Variants in OSBPL10 observed in about 807,000 individuals in gnomAD.
The protein encoded by OSBPL10 is oxysterol binding protein like 10, also known as oxysterol-binding protein-related protein 10.
OSBPL10 carries 49 observed loss-of-function variants against 81.7 expected under a neutral mutation model. The observed-to-expected ratio is 0.60, with a 90% CI of 0.48 to 0.76. The LOEUF is 0.76. OSBPL10 is among the 30% of genes least tolerant of loss of function. OSBPL10 has a pLI of 0.00. For missense variants in OSBPL10, 923 were observed against 987.8 expected (o/e 0.93, Z 0.88); for synonymous variants, 419 against 383.6 (o/e 1.09, Z -1.08).
intron 4 of OSBPL10, among the ~76,000 whole-genome samples, chr3:31,749,641 C>T (rs1435978101): frequency 6.6e-6 from 1 of 151,892 alleles, no homozygotes; most frequent in East Asian, 1.9e-4. Context: ...ATGGTGAAAC[C>T]CCATCTCTAC....
chr3:32,030,206 C>T (rs1477738987), intron 2 of OSBPL10: 1 of 247,802 alleles, frequency 4.0e-6, no homozygotes, highest in East Asian at 9.7e-5. Context: ...ATGACGAACG[C>T]CAAGGGAAAG....
chr3:31,999,192 A>G (rs1699120082), intron 2 of OSBPL10, among the ~76,000 whole-genome samples: 1 of 152,170 alleles, frequency 6.6e-6, no homozygotes, highest in South Asian at 2.1e-4. Context: ...AGTGGCAATC[A>G]GGTGTGGCAT....
intron 6 of OSBPL10, among the ~76,000 whole-genome samples, chr3:31,719,312 C>T (rs1451464002): frequency 6.6e-6 from 1 of 152,144 alleles, no homozygotes; most frequent in East Asian, 1.9e-4. Context: ...AAAATACTTA[C>T]TCCACATTAT....
chr3:31,952,746 A>G (rs1697904369), intron 1 of OSBPL10, among the ~76,000 whole-genome samples: 1 of 152,124 alleles, frequency 6.6e-6, no homozygotes, highest in African/African-American at 2.4e-5. Flanking sequence ...TAAATATTAA[A>G]TATTACTAAA....
At chr3:31,906,616 A>G (rs1290816283) in intron 1 of OSBPL10, among the ~76,000 whole-genome samples, 1 of 152,184 alleles carries the variant, frequency 6.6e-6, no homozygotes, top group Non-Finnish European at 1.5e-5. Flanking sequence ...ATCAATCAGG[A>G]TTTGATGAAT....
chr3:31,703,370 A>T (rs1695959337), intron 6 of OSBPL10, among the ~76,000 whole-genome samples: 1 of 152,228 alleles, frequency 6.6e-6, no homozygotes, highest in South Asian at 2.1e-4. Context: ...TATAAGCAAA[A>T]GCACTCTGCA....
upstream of OSBPL10, among the ~76,000 whole-genome samples, chr3:31,984,720 T>A (rs1047437956): frequency 6.6e-6 from 1 of 152,200 alleles, no homozygotes; most frequent in Non-Finnish European, 1.5e-5. Flanking sequence ...TCATTAGTTT[T>A]ACAAAGGTAG....
chr3:31,702,620 C>A, intron 6 of OSBPL10, 112 bp from the exon 7 acceptor site: 1 of 1,432,978 alleles, frequency 7.0e-7, no homozygotes, highest in Non-Finnish European at 9.5e-7. Context: ...CTGTCCCGGG[C>A]AGAGCTCCTC....
chr3:32,001,997 C>A (rs1223457976), intron 2 of OSBPL10, among the ~76,000 whole-genome samples: 3 of 152,144 alleles, frequency 2.0e-5, no homozygotes, highest in Non-Finnish European at 4.4e-5. Context: ...GTAAGACATT[C>A]ATTTTGCTCA....
At chr3:31,697,348 C>A (rs545052237) in intron 7 of OSBPL10, among the ~76,000 whole-genome samples, 8 of 151,592 alleles carry the variant, frequency 5.3e-5, no homozygotes, top group Admixed American at 5.3e-4. Context: ...AGAGCTGCCC[C>A]GCTAAGCCCA....
intron 1 of OSBPL10, among the ~76,000 whole-genome samples, chr3:31,920,415 T>A (rs532296713): frequency 1.3e-5 from 2 of 151,948 alleles, no homozygotes; most frequent in Non-Finnish European, 2.9e-5. Context: ...CTGAAGGAGG[T>A]AGGAGAAAGA....
At chr3:32,018,249 G>A (rs989816654) in intron 2 of OSBPL10, among the ~76,000 whole-genome samples, 6 of 152,052 alleles carry the variant, frequency 3.9e-5, no homozygotes, top group African/African-American at 1.4e-4. Context: ...AAACTATGAT[G>A]GTAAAGAAGT....
At chr3:32,055,191 CTTTTTTTT>C (rs139735770) in intron 1 of OSBPL10, among the ~76,000 whole-genome samples, 6 of 58,246 alleles carry the variant, frequency 1.0e-4, no homozygotes, top group African/African-American at 1.5e-4. Flanking sequence ...CTATTTATAG[CTTTTTTTT>C]TTTTTTTTTT....
intron 6 of OSBPL10, among the ~76,000 whole-genome samples, chr3:31,716,668 G>C (rs1305677365): frequency 1.3e-5 from 2 of 152,202 alleles, no homozygotes; most frequent in Non-Finnish European, 2.9e-5. Context: ...CTCTGGCCTA[G>C]ATGCTAGGGG....
chr3:32,014,658 C>T (rs962651769), intron 2 of OSBPL10, among the ~76,000 whole-genome samples: 3 of 152,172 alleles, frequency 2.0e-5, no homozygotes, highest in African/African-American at 7.2e-5. Flanking sequence ...GTCAAATTGT[C>T]CCTGTTTGCA....
chr3:31,859,882 A>G (rs1313731326), intron 3 of OSBPL10, among the ~76,000 whole-genome samples: 1 of 152,204 alleles, frequency 6.6e-6, no homozygotes, highest in Non-Finnish European at 1.5e-5. Flanking sequence ...GAGCCCAGCA[A>G]AGTAGGTGGC....
chr3:31,663,080 A>G, intron 11 of OSBPL10: 1 of 985,438 alleles, frequency 1.0e-6, no homozygotes, highest in Non-Finnish European at 1.2e-6. Flanking sequence ...CACCCCAGTT[A>G]CCTACTATGT....
At chr3:31,915,125 A>G (rs1451600921) in intron 1 of OSBPL10, among the ~76,000 whole-genome samples, 4 of 151,950 alleles carry the variant, frequency 2.6e-5, no homozygotes, top group Non-Finnish European at 5.9e-5. Flanking sequence ...CTTCTATCGT[A>G]TCCTCATCTG....
Position 31,664,178 on chromosome 3 carries a change from G to T in OSBPL10, c.2151C>A (p.Ala717=). Residue 717 remains alanine, a synonymous_variant, in exon 11 of 12, where the codon GCC becomes GCA. Coordinates refer to ENST00000396556, the MANE Select transcript of OSBPL10 (RefSeq NM_017784.5). The part of the protein sequence containing the change: ...RYLRLGDIDA[A]TEQKRHLEEK... ...CCTCCAGGTGCCGCTTCTGCTCGGT[G>T]GCTGCGTCAATGTCCCCCAGCCGCA... The T allele has an allele frequency of 6.2e-7, 1 of 1,613,412 alleles. No individual in the cohort carries two copies. Among genetic ancestry groups the T allele is most frequent in the Non-Finnish European group, 8.5e-7 (1 of 1,179,992 alleles).
Sources: allele counts gnomAD v4.1 joint callset (sites outside exome capture counted in the v4.1 genomes callset), GRCh38; gene constraint gnomAD v4.1.1; transcripts MANE v1.5; gene names NCBI Gene and HGNC (gene_info 2026-07-23, HGNC 2026-07-21).